KCNU1: variants seen among roughly 807,000 people sequenced by gnomAD.
KCNU1 encodes the protein potassium calcium-activated channel subfamily U member 1, also known as potassium channel subfamily U member 1.
In KCNU1, 93 loss-of-function variants were observed where a neutral mutation model predicts 126.8. The observed-to-expected ratio is 0.73, with a 90% CI of 0.62 to 0.87. The LOEUF (loss-of-function observed/expected upper bound fraction) is 0.87, where lower values mean the gene tolerates loss of function less well. Ranked by LOEUF, KCNU1 falls within the 40% of genes least tolerant of loss-of-function variation. KCNU1 has a pLI of 0.00. For missense variants in KCNU1, 1,330 were observed against 1,367.1 expected (o/e 0.97, Z 0.43); for synonymous variants, 523 against 494.2 (o/e 1.06, Z -0.77).
In KCNU1 at chr8:36,834,124, G is replaced by A. The variant is rs897032872; in HGVS notation, c.1212+465G>A. On this transcript the variant is annotated intron_variant, in intron 11 of 26. Coordinates refer to ENST00000399881, the MANE Select transcript of KCNU1 (RefSeq NM_001031836.3). The stretch of plus-strand genomic sequence containing the variant: ...GTAGAAATCTCATTAAAGTTGTGAC[G>A]CAAAATAATGAGCAACAGCCAACCC... Among the ~76,000 whole-genome samples, 7 of 152,212 alleles carry A rather than the reference G, an allele frequency of 4.6e-5. No individual in the cohort carries two copies. In the South Asian group the frequency reaches 6.2e-4, roughly 14 times the overall value.
intron 9 of KCNU1, 151 bp from the exon 10 acceptor site, chr8:36,817,499 C>CA (rs375306964): frequency 0.034 from 7,869 of 233,772 alleles, 146 homozygotes; most frequent in African/African-American, 0.076. Flanking sequence ...AACTCCATCT[C>CA]AAAAAAAAAA....
At chr8:36,799,568 G>C (rs1457944545) in intron 2 of KCNU1, among the ~76,000 whole-genome samples, 19 of 151,002 alleles carry the variant, frequency 1.3e-4, no homozygotes, top group Admixed American at 1.2e-3. Context: ...GTATCACTCT[G>C]CTGTCATCCA....
intron 24 of KCNU1, chr8:36,922,913 C>A (rs1585571748): frequency 1.8e-6 from 1 of 544,828 alleles, no homozygotes; most frequent in South Asian, 1.5e-5. Context: ...GGCATCGCTG[C>A]AGACCAGGTC....
intron 18 of KCNU1, among the ~76,000 whole-genome samples, chr8:36,846,518 C>T (rs183900885): frequency 3.4e-4 from 52 of 152,196 alleles, no homozygotes; most frequent in Non-Finnish European, 1.5e-4. Context: ...TAAAATTTAG[C>T]CTCAGTCGGG....
chr8:36,826,367 G>T (rs868691579), intron 10 of KCNU1, among the ~76,000 whole-genome samples: 2 of 151,724 alleles, frequency 1.3e-5, no homozygotes, highest in African/African-American at 4.8e-5. Flanking sequence ...CCACCACCAC[G>T]CCTGGCTAAT....
intron 19 of KCNU1, among the ~76,000 whole-genome samples, chr8:36,884,948 T>G (rs1055498690): frequency 2.0e-5 from 3 of 152,104 alleles, no homozygotes; most frequent in Non-Finnish European, 2.9e-5. Context: ...AACTGAAAAT[T>G]GGAGACTTTT....
At chr8:36,840,748 T>C (rs1178772580) in intron 15 of KCNU1, among the ~76,000 whole-genome samples, 173 bp downstream of exon 15, 2 of 152,220 alleles carry the variant, frequency 1.3e-5, no homozygotes, top group Non-Finnish European at 2.9e-5. Flanking sequence ...ATTTCATCTC[T>C]GTCCCAGTTG....
intron 1 of KCNU1, among the ~76,000 whole-genome samples, chr8:36,786,232 A>G (rs1238650743): frequency 1.3e-5 from 2 of 152,184 alleles, no homozygotes; most frequent in African/African-American, 2.4e-5. Flanking sequence ...ATCTATAAAT[A>G]TGAGTTTATT....
At chr8:36,900,626 T>C (rs1807379266) in intron 19 of KCNU1, among the ~76,000 whole-genome samples, 1 of 152,044 alleles carries the variant, frequency 6.6e-6, no homozygotes, top group African/African-American at 2.4e-5. Flanking sequence ...AATAAGTGAG[T>C]ATTTCCAAGT....
At chr8:36,931,628 A>G (rs1269809832) in intron 25 of KCNU1, among the ~76,000 whole-genome samples, 1 of 152,098 alleles carries the variant, frequency 6.6e-6, no homozygotes, top group Non-Finnish European at 1.5e-5. Flanking sequence ...AGGACTTGCC[A>G]GAGACCACAT....
At position 36,909,334 on chromosome 8, in the gene KCNU1, T is replaced by A; in HGVS notation, c.2130T>A (p.Tyr710Ter). The A allele has an allele frequency of 6.2e-7, 1 of 1,613,346 alleles. No homozygotes were observed. The highest frequency in any genetic ancestry group is 8.5e-7 in the Non-Finnish European group (1 of 1,179,342). The change falls in exon 21 of 27, where the codon TAT (tyrosine) becomes TAA (stop). Residue 710 changes from tyrosine (Y) to a stop codon, truncating the protein, a stop_gained. Coordinates refer to ENST00000399881, the MANE Select transcript of KCNU1 (RefSeq NM_001031836.3). LOFTEE classifies it high-confidence loss of function. ...VTLKRTGKSK[Y>*]KFRNHIVACV... The stretch of plus-strand genomic sequence containing the variant: ...AGAAACGAACTGGCAAGTCAAAGTA[T>A]AAGTTTCGGAACCATATTGTAGCAT...
At chr8:36,914,186 G>A (rs1023313659) in intron 22 of KCNU1, among the ~76,000 whole-genome samples, 1 of 152,126 alleles carries the variant, frequency 6.6e-6, no homozygotes, top group African/African-American at 2.4e-5. Flanking sequence ...GAGGCAGAAA[G>A]CATCGTCCAC....
At chr8:36,834,944 A>G (rs759699451) in intron 12 of KCNU1, 76 bp downstream of exon 12, 35 of 929,648 alleles carry the variant, frequency 3.8e-5, no homozygotes, top group Non-Finnish European at 5.3e-5. Flanking sequence ...GTACATAAGC[A>G]TAAAAAGGAG....
intron 19 of KCNU1, among the ~76,000 whole-genome samples, chr8:36,873,680 G>A (rs1806183286): frequency 6.6e-6 from 1 of 152,112 alleles, no homozygotes; most frequent in South Asian, 2.1e-4. Flanking sequence ...GCACAAGGCA[G>A]GCAGAACTTC....
chr8:36,902,819 G>A (rs776399932), intron 19 of KCNU1, among the ~76,000 whole-genome samples: 4 of 152,192 alleles, frequency 2.6e-5, no homozygotes, highest in Admixed American at 6.5e-5. Context: ...GTATGATTAA[G>A]AGAGCCGGTG....
intron 10 of KCNU1, among the ~76,000 whole-genome samples, chr8:36,823,091 T>A (rs1804188601): frequency 6.6e-6 from 1 of 152,162 alleles, no homozygotes; most frequent in Admixed American, 6.6e-5. Context: ...GGGCAGCTAA[T>A]TCAGCAATTG....
intron 18 of KCNU1, among the ~76,000 whole-genome samples, chr8:36,856,177 A>G (rs1805522322): frequency 1.3e-5 from 2 of 152,036 alleles, no homozygotes; most frequent in Admixed American, 1.3e-4. Context: ...TCATGCTTTT[A>G]TTTCTTTAAT....
In KCNU1 at chr8:36,836,888, T is replaced by C; in HGVS notation, c.1461T>C (p.Cys487=). The part of the protein sequence containing the change: ...ELKLGFIAQG[C]LVPGLCTFLT... ...AACTTGGATTTATCGCCCAAGGCTG[T>C]TTGGTGCCAGGCTTGTGTACCTTCC... is the stretch of plus-strand genomic sequence containing the variant. The change falls in exon 14 of 27, where the codon TGT becomes TGC. Residue 487 remains cysteine (C), a synonymous_variant. Coordinates refer to ENST00000399881, the MANE Select transcript of KCNU1 (RefSeq NM_001031836.3). The C allele has an allele frequency of 1.2e-6, 2 of 1,613,846 alleles. No homozygotes were observed. Among genetic ancestry groups the C allele is most frequent in the Non-Finnish European group, 1.7e-6 (2 of 1,179,790 alleles).
intron 16 of KCNU1, among the ~76,000 whole-genome samples, chr8:36,841,551 A>T (rs1167678797): frequency 1.3e-5 from 2 of 151,998 alleles, no homozygotes; most frequent in African/African-American, 4.8e-5. Flanking sequence ...AATTAGCAGG[A>T]CATTGTCGTG....
Sources: allele counts gnomAD v4.1 joint callset (sites outside exome capture counted in the v4.1 genomes callset), GRCh38; gene constraint gnomAD v4.1.1; transcripts MANE v1.5; gene names NCBI Gene and HGNC (gene_info 2026-07-23, HGNC 2026-07-21).